Variants in HTR3A observed in about 807,000 individuals in gnomAD.
HTR3A encodes 5-hydroxytryptamine receptor 3A.
A neutral mutation model predicts 54.8 loss-of-function variants in HTR3A; 45 were observed. That is an observed-to-expected ratio of 0.82 (90% CI 0.65 to 1.05). HTR3A has a LOEUF of 1.05. HTR3A is among the 50% of genes least tolerant of loss of function. HTR3A has a pLI of 0.00. For missense variants in HTR3A, 657 were observed against 614.0 expected (o/e 1.07, Z -0.74); for synonymous variants, 297 against 256.0 (o/e 1.16, Z -1.53).
At position 113,983,269 on chromosome 11, in the gene HTR3A, TCACCAG is replaced by T; in HGVS notation, c.525_530del (p.Thr176_Ser177del). The T allele has an allele frequency of 6.2e-7, 1 of 1,614,128 alleles. No homozygotes were observed. Among genetic ancestry groups the T allele is most frequent in the Non-Finnish European group, 8.5e-7 (1 of 1,180,030 alleles). On this transcript the variant is annotated inframe_deletion, in exon 5 of 9. Transcript: ENST00000504030. ...GATGTCCAGAACTGCTCGCTGACCT[TCACCAG>T]TTGGCTGCACACCAGTGAGTATGTG...
In HTR3A at chr11:113,989,335, C is replaced by T. The variant is rs1950524955; in HGVS notation, c.1139-130C>T. On this transcript the variant is annotated intron_variant, in intron 8 of 8. Coordinates refer to ENST00000504030, the MANE Select transcript of HTR3A (RefSeq NM_000869.6). The surrounding 1 kb of genome is among the most constrained non-coding windows in gnomAD (Gnocchi z 4.4). ...CTTAGATCACACCACTGCCCTCCAG[C>T]CTGGGTGACAGAGTGAGAAAAAAAA... 9 of 1,008,194 alleles carry T rather than the reference C, an allele frequency of 8.9e-6. No individual in the cohort carries two copies. The highest frequency in any genetic ancestry group is 1.4e-5 in the Non-Finnish European group (9 of 648,472). 62.5% of individuals were successfully genotyped at this position (1,008,194 alleles called of 1,614,324 possible). A position where few individuals can be genotyped will look rare whatever the true frequency, so the allele number is the denominator to read the frequency against.
intron 5 of HTR3A, among the ~76,000 whole-genome samples, chr11:113,983,861 G>C (rs563691000): frequency 6.6e-6 from 1 of 152,224 alleles, no homozygotes; most frequent in African/African-American, 2.4e-5. Flanking sequence ...ACAGAAGCCA[G>C]TGAGATTTTA....
At position 113,989,631 on chromosome 11, in the gene HTR3A, C is replaced by CCG. The variant is rs1565584242; in HGVS notation, c.1306_1307dup (p.Val438ArgfsTer23). 1.2e-6 allele frequency: 2 copies of CCG among 1,614,196 alleles called. No homozygotes were observed. The highest frequency in any genetic ancestry group is 1.7e-6 in the Non-Finnish European group (2 of 1,180,034). On this transcript the variant is annotated frameshift_variant, in exon 9 of 9. Coordinates refer to ENST00000504030, the MANE Select transcript of HTR3A (RefSeq NM_000869.6). LOFTEE classifies it high-confidence loss of function. The surrounding 1 kb of genome is among the most constrained non-coding windows in gnomAD (Gnocchi z 4.4). Reference sequence around the variant, plus strand: ...AATTCCTGGAAAAGCGGGATGAGATCCGAGAGGTGGCCCGAGACTGGCTGC... The same window carrying CCG: ...AATTCCTGGAAAAGCGGGATGAGATCCGCGAGAGGTGGCCCGAGACTGGCTGC...
At chr11:113,984,839 A>G (rs1057239148) in intron 5 of HTR3A, among the ~76,000 whole-genome samples, 6 of 151,596 alleles carry the variant, frequency 4.0e-5, no homozygotes, top group African/African-American at 1.5e-4. Flanking sequence ...AATCACTTCA[A>G]CTCGGAGGGT....
In HTR3A at chr11:113,983,107, T is replaced by C. The variant is rs1323283347; in HGVS notation, c.375-13T>C. On this transcript the variant is annotated splice_polypyrimidine_tract_variant and intron_variant, in intron 4 of 8. Transcript: ENST00000504030. Reference sequence around the variant, plus strand: ...CTCTTGAGCTCCCAAACTAACCCCTTTTCCCCCGCCAGCGTGGATGTGGGG... The same window carrying C: ...CTCTTGAGCTCCCAAACTAACCCCTCTTCCCCCGCCAGCGTGGATGTGGGG... 6.2e-7 allele frequency: 1 copy of C among 1,614,146 alleles called. No homozygotes were observed. The highest frequency in any genetic ancestry group is 1.1e-5 in the South Asian group (1 of 91,080).
At chr11:113,983,907 C>G (rs1420633425) in intron 5 of HTR3A, among the ~76,000 whole-genome samples, 1 of 152,184 alleles carries the variant, frequency 6.6e-6, no homozygotes, top group Non-Finnish European at 1.5e-5. Context: ...CTTAAAACCC[C>G]TCAATGGGAT....
chr11:113,982,142 C>T (rs780827626), intron 4 of HTR3A, among the ~76,000 whole-genome samples: 10 of 152,142 alleles, frequency 6.6e-5, no homozygotes, highest in Admixed American at 1.3e-4. Flanking sequence ...CAGCCAAACA[C>T]GGTCCCATTT....
In HTR3A at chr11:113,986,140, G is replaced by A; in HGVS notation, c.670G>A (p.Glu224Lys). The A allele has an allele frequency of 6.2e-7, 1 of 1,614,194 alleles. No individual in the cohort carries two copies. The highest frequency in any genetic ancestry group is 2.2e-5 in the East Asian group (1 of 44,886). Residue 224 changes from glutamate to lysine, a missense_variant, in exon 6 of 9, where the codon GAA becomes AAA. By Grantham distance (56) the Glu-to-Lys change is moderately conservative. Transcript: ENST00000504030. Reference protein sequence around the residue: ...VLPYFREFSMESSNYYAEMKF... With the variant: ...VLPYFREFSMKSSNYYAEMKF... ...GCCCTACTTTCGGGAGTTCAGCATG[G>A]AAAGCAGTAACTACTATGCAGAAAT...
At chr11:113,979,316 C>G (rs746505281) in intron 3 of HTR3A, 39 bp downstream of exon 3, 2 of 1,549,242 alleles carry the variant, frequency 1.3e-6, no homozygotes, top group Non-Finnish European at 1.8e-6. Flanking sequence ...GTTACCCATC[C>G]TCCTGGGAAG....
At position 113,986,151 on chromosome 11, in the gene HTR3A, C is replaced by T. The variant is rs768396256; in HGVS notation, c.681C>T (p.Asn227=). Residue 227 remains asparagine, a synonymous_variant, in exon 6 of 9, where the codon AAC becomes AAT. Transcript: ENST00000504030. ...YFREFSMESS[N]YYAEMKFYVV... ...GGGAGTTCAGCATGGAAAGCAGTAACTACTATGCAGAAATGAAGTTCTATG... is the reference window on the plus strand; with the variant it reads ...GGGAGTTCAGCATGGAAAGCAGTAATTACTATGCAGAAATGAAGTTCTATG... 1 of 1,614,170 alleles carries T rather than the reference C, an allele frequency of 6.2e-7. No individual in the cohort carries two copies. Among genetic ancestry groups the T allele is most frequent in the South Asian group, 1.1e-5 (1 of 91,088 alleles).
At chr11:113,977,529 C>A in intron 1 of HTR3A, 2 of 1,551,028 alleles carry the variant, frequency 1.3e-6, no homozygotes, top group Non-Finnish European at 1.7e-6. Flanking sequence ...CTCTTCCAAG[C>A]CAGATCTCTG....
Position 113,989,789 on chromosome 11 carries a change from G to C in HTR3A, c.*26G>C. ...GTGGGTACAGCCCAGTGGAGGAGGGGGTACAGTCCTGGTTAGGTGGGGACA... is the reference window on the plus strand; with the variant it reads ...GTGGGTACAGCCCAGTGGAGGAGGGCGTACAGTCCTGGTTAGGTGGGGACA... On this transcript the variant is annotated 3_prime_UTR_variant, in exon 9 of 9. Transcript: ENST00000504030. This position sits in a 1 kb window ranked among gnomAD's most constrained non-coding sequence, Gnocchi z 4.4. 1 of 1,603,144 alleles carries C rather than the reference G, an allele frequency of 6.2e-7. No homozygotes were observed. The highest frequency in any genetic ancestry group is 8.5e-7 in the Non-Finnish European group (1 of 1,178,936).
intron 1 of HTR3A, 57 bp downstream of exon 1, chr11:113,975,449 G>T: frequency 6.9e-7 from 1 of 1,456,598 alleles, no homozygotes. Context: ...AGGTGGGGCA[G>T]GGGATGCTTC....
rs1202179088 is a variant in HTR3A, at chr11:113,990,223, T to C, written c.*460T>C. 2.2e-6 allele frequency: 1 copy of C among 454,834 alleles called. No homozygotes were observed. The highest frequency in any genetic ancestry group is 4.4e-6 in the Non-Finnish European group (1 of 227,386). The allele number at this position is 454,834 out of a possible 1,614,324, so 28.2% of individuals were successfully genotyped here. ...CTTCTCTAACCCCTAGTGTCTTTTT[T>C]TTCTTCACCTCACTTGTGGCAGCTT... is the stretch of plus-strand genomic sequence containing the variant. On this transcript the variant is annotated 3_prime_UTR_variant, in exon 9 of 9. Transcript: ENST00000504030.
intron 1 of HTR3A, 130 bp from the exon 2 acceptor site, chr11:113,977,641 T>C: frequency 6.7e-7 from 1 of 1,501,116 alleles, no homozygotes; most frequent in South Asian, 1.2e-5. Flanking sequence ...AGAATGTCAG[T>C]CTGTGTTTAG....
In HTR3A at chr11:113,979,228, C is replaced by T; in HGVS notation, c.220-5C>T. 1 of 1,612,968 alleles carries T rather than the reference C, an allele frequency of 6.2e-7. No homozygotes were observed. The highest frequency in any genetic ancestry group is 8.5e-7 in the Non-Finnish European group (1 of 1,179,326). ...TACTTGTTCAAGCTCCCTTTCCTTT[C>T]CCAGGATGAGAAGAATCAGGTGCTG... On this transcript the variant is annotated splice_region_variant and splice_polypyrimidine_tract_variant and intron_variant, in intron 2 of 8. Coordinates refer to ENST00000504030, the MANE Select transcript of HTR3A (RefSeq NM_000869.6).
At position 113,986,580 on chromosome 11, in the gene HTR3A, C is replaced by T; in HGVS notation, c.768C>T (p.Leu256=). The change falls in exon 7 of 9, where the codon CTC becomes CTT. Residue 256 remains leucine, a synonymous_variant. Coordinates refer to ENST00000504030, the MANE Select transcript of HTR3A (RefSeq NM_000869.6). ...VVSLLLPSIF[L]MVMDIVGFYL... Reference sequence around the variant, plus strand: ...GCCTGCTACTGCCCAGCATCTTCCTCATGGTCATGGACATCGTGGGCTTCT... The same window carrying T: ...GCCTGCTACTGCCCAGCATCTTCCTTATGGTCATGGACATCGTGGGCTTCT... 1 of 1,613,524 alleles carries T rather than the reference C, an allele frequency of 6.2e-7. No individual in the cohort carries two copies. The highest frequency in any genetic ancestry group is 8.5e-7 in the Non-Finnish European group (1 of 1,180,038).
chr11:113,986,172 C>G lies in HTR3A; in HGVS notation c.702C>G (p.Phe234Leu). Residue 234 changes from phenylalanine to leucine, a missense_variant, in exon 6 of 9, where the codon TTC becomes TTG. Coordinates refer to ENST00000504030, the MANE Select transcript of HTR3A (RefSeq NM_000869.6). ...GTAACTACTATGCAGAAATGAAGTTCTATGTGAGTGGGAGTGAATGTGGGT... is the reference window on the plus strand; with the variant it reads ...GTAACTACTATGCAGAAATGAAGTTGTATGTGAGTGGGAGTGAATGTGGGT... ...ESSNYYAEMK[F>L]YVVIRRRPLF... The G allele has an allele frequency of 6.2e-7, 1 of 1,614,100 alleles. No individual in the cohort carries two copies. Among genetic ancestry groups the G allele is most frequent in the Non-Finnish European group, 8.5e-7 (1 of 1,180,010 alleles).
rs1283512588 is a variant in HTR3A at position 113,977,804 on chromosome 11, T to C, written c.101T>C (p.Leu34Pro). 1 of 1,614,190 alleles carries C rather than the reference T, an allele frequency of 6.2e-7. No homozygotes were observed. The highest frequency in any genetic ancestry group is 1.1e-5 in the South Asian group (1 of 91,088). ...AGCCGAAACACCACCAGGCCCGCTC[T>C]GCTGAGGCTGTCGGATTACCTTTTG... ...RRSRNTTRPA[L>P]LRLSDYLLTN... is the part of the protein sequence containing the mutation. Residue 34 changes from leucine (L) to proline (P), a missense_variant, in exon 2 of 9, where the codon CTG becomes CCG. Transcript: ENST00000504030.
Sources: allele counts gnomAD v4.1 joint callset (sites outside exome capture counted in the v4.1 genomes callset), GRCh38; gene constraint gnomAD v4.1.1; non-coding constraint Gnocchi (gnomAD v3.1); transcripts MANE v1.5; gene names NCBI Gene and HGNC (gene_info 2026-07-23, HGNC 2026-07-21).